Variants in BRCC3 observed in about 807,000 individuals in gnomAD.
BRCC3 encodes BRCA1/BRCA2-containing complex subunit 3, also known as lys-63-specific deubiquitinase BRCC36.
Under a neutral mutation model 28.0 loss-of-function variants are expected in BRCC3, and 15 were observed. That is an observed-to-expected ratio of 0.54 (90% CI 0.36 to 0.82). The LOEUF is 0.82. Ranked by LOEUF, BRCC3 falls within the 40% of genes least tolerant of loss-of-function variation. BRCC3 has a pLI of 0.01. For synonymous variants in BRCC3, 66 were observed against 80.3 expected (o/e 0.82, Z 0.95); for missense variants, 109 against 225.9 (o/e 0.48, Z 3.32).
At chrX:155,089,050 A>G (rs1256959460) in intron 5 of BRCC3, among the ~76,000 whole-genome samples, 1 of 112,042 alleles carries the variant, frequency 8.9e-6, no homozygotes, top group Non-Finnish European at 1.9e-5. Context: ...TTATTATTTA[A>G]TGGCAGACTT....
At chrX:155,096,011 C>T (rs193299515) in intron 7 of BRCC3, among the ~76,000 whole-genome samples, 288 of 111,913 alleles carry the variant, frequency 2.6e-3, no homozygotes, top group African/African-American at 8.9e-3. Context: ...AGTTGCCTAA[C>T]GATGCATTTC....
At chrX:155,073,676 A>G (rs114307001) in intron 3 of BRCC3, among the ~76,000 whole-genome samples, 5,454 of 111,479 alleles carry the variant, frequency 0.049, 343 homozygotes, top group African/African-American at 0.17. Context: ...CCTTGCTGTC[A>G]CTGCCTGTTT....
At chrX:155,112,393 C>T (rs915101563) in intron 7 of BRCC3, among the ~76,000 whole-genome samples, 3 of 112,141 alleles carry the variant, frequency 2.7e-5, no homozygotes, top group East Asian at 5.6e-4. Context: ...AGCAGGATGG[C>T]GTAAGATTTC....
chrX:155,086,042 G>A (rs189254974), intron 5 of BRCC3, among the ~76,000 whole-genome samples: 6 of 111,595 alleles, frequency 5.4e-5, no homozygotes, highest in African/African-American at 2.0e-4. Context: ...CAGAGTGATA[G>A]GACGTACCCT....
At chrX:155,100,046 T>A (rs1240187116) in intron 7 of BRCC3, among the ~76,000 whole-genome samples, 1 of 112,087 alleles carries the variant, frequency 8.9e-6, no homozygotes, top group Non-Finnish European at 1.9e-5. Context: ...TGAAATAATA[T>A]TAGATTTACA....
intron 7 of BRCC3, 23 bp from the exon 8 acceptor site, chrX:155,116,034 G>T: frequency 7.5e-6 from 9 of 1,202,330 alleles, no homozygotes; most frequent in South Asian, 3.6e-5. Context: ...TTTAAAAACT[G>T]ACCTGAACTG....
chrX:155,108,977 C>T (rs184478032), intron 7 of BRCC3, among the ~76,000 whole-genome samples: 9 of 111,752 alleles, frequency 8.1e-5, no homozygotes, highest in East Asian at 2.8e-4. Flanking sequence ...TTTCACCATT[C>T]GTGCTTAAAT....
At chrX:155,088,389 C>T (rs1557295203) in intron 5 of BRCC3, among the ~76,000 whole-genome samples, 1 of 95,051 alleles carries the variant, frequency 1.1e-5, no homozygotes. Context: ...GTTTTGCTCT[C>T]GTTGCCCAGG....
chrX:155,094,746 C>T (rs1270708802), intron 7 of BRCC3, among the ~76,000 whole-genome samples: 1 of 111,920 alleles, frequency 8.9e-6, no homozygotes, highest in Non-Finnish European at 1.9e-5. Context: ...CTACAGAAGG[C>T]TGCGGAAAAT....
At chrX:155,084,449 G>A (rs183152918) in intron 5 of BRCC3, among the ~76,000 whole-genome samples, 1,977 of 111,059 alleles carry the variant, frequency 0.018, 49 homozygotes, top group African/African-American at 0.061. Flanking sequence ...TGCAAGCTCC[G>A]CCTCCCAGGT....
At chrX:155,072,738 T>C (rs2073996904) in intron 2 of BRCC3, among the ~76,000 whole-genome samples, 1 of 109,823 alleles carries the variant, frequency 9.1e-6, no homozygotes, top group Non-Finnish European at 1.9e-5. Context: ...TCTTTTTTTT[T>C]TGTACAGACG....
At chrX:155,072,061 G>A (rs781998929) in intron 1 of BRCC3, among the ~76,000 whole-genome samples, 3 of 112,171 alleles carry the variant, frequency 2.7e-5, no homozygotes, top group Non-Finnish European at 3.8e-5. Flanking sequence ...AGGGAGCAGA[G>A]ATATCAACCA....
chrX:155,104,329 G>T (rs1448714366), intron 7 of BRCC3, among the ~76,000 whole-genome samples: 8 of 111,886 alleles, frequency 7.2e-5, no homozygotes, highest in Non-Finnish European at 1.3e-4. Flanking sequence ...TCAAGATACT[G>T]TTAAAATTAT....
intron 7 of BRCC3, among the ~76,000 whole-genome samples, chrX:155,114,850 A>G (rs1396645378): frequency 3.6e-5 from 4 of 112,191 alleles, no homozygotes; most frequent in African/African-American, 1.3e-4. Flanking sequence ...GAATGCCTAA[A>G]GAGATAATGG....
chrX:155,086,169 G>A (rs1224340743), intron 5 of BRCC3, among the ~76,000 whole-genome samples: 2 of 111,362 alleles, frequency 1.8e-5, no homozygotes, highest in Non-Finnish European at 3.8e-5. Context: ...CAAGCTAACA[G>A]CCGCCCCATT....
At chrX:155,075,514 A>G (rs1557293483) in intron 3 of BRCC3, among the ~76,000 whole-genome samples, 1 of 112,061 alleles carries the variant, frequency 8.9e-6, no homozygotes. Flanking sequence ...AAACAAGCTC[A>G]TCTTCTTTCC....
At chrX:155,089,701 A>T (rs782755943) in intron 6 of BRCC3, among the ~76,000 whole-genome samples, 35 of 111,874 alleles carry the variant, frequency 3.1e-4, no homozygotes, top group Non-Finnish European at 1.5e-4. Context: ...CTATTATCCT[A>T]GTGACCTTCC....
At chrX:155,105,729 C>T (rs187963965) in intron 7 of BRCC3, among the ~76,000 whole-genome samples, 4 of 112,042 alleles carry the variant, frequency 3.6e-5, no homozygotes, top group South Asian at 3.8e-4. Flanking sequence ...GACGGAGTCT[C>T]GCCCAGTTGT....
At position 155,092,005 on chromosome X, in the gene BRCC3, G is replaced by A. The variant is rs150274823; in HGVS notation, c.548+1166G>A. Reference sequence around the variant, plus strand: ...ATGCATGAAAATATTGAGTGGTACAGAAGGGCTTATAATAAATAGTTTCAC... The same window carrying A: ...ATGCATGAAAATATTGAGTGGTACAAAAGGGCTTATAATAAATAGTTTCAC... On this transcript the variant is annotated intron_variant, in intron 7 of 10. Coordinates refer to ENST00000330045, the MANE Select transcript of BRCC3 (RefSeq NM_001018055.3). Among the ~76,000 whole-genome samples the A allele has an allele frequency of 7.6e-3, 851 of 112,071 alleles. 9 individuals carry two copies. Among genetic ancestry groups the A allele is most frequent in the African/African-American group, 0.025 (774 of 30,902 alleles).
Sources: gnomAD v4.1 joint callset for allele counts (sites outside exome capture counted in the v4.1 genomes callset) on GRCh38, gnomAD v4.1.1 for gene constraint, MANE v1.5 for transcripts, NCBI Gene and HGNC (gene_info 2026-07-23, HGNC 2026-07-21) for gene names.